PCDHGA1: variants seen among roughly 807,000 people sequenced by gnomAD.
PCDHGA1 encodes the protein protocadherin gamma-A1.
A neutral mutation model predicts 58.0 loss-of-function variants in PCDHGA1; 32 were observed. The observed-to-expected ratio is 0.55, with a 90% CI of 0.42 to 0.74. The LOEUF is 0.74. PCDHGA1 is among the 30% of genes least tolerant of loss of function. The pLI is 0.00. For synonymous variants in PCDHGA1, 498 were observed against 501.1 expected (o/e 0.99, Z 0.08); for missense variants, 1,205 against 1,182.3 (o/e 1.02, Z -0.28).
At position 141,330,637 on chromosome 5, in the gene PCDHGA1, CG is replaced by C; in HGVS notation, c.-47del. ...TAATTTCAGCTCAGAAAAGCAGAAA[CG>C]ATACCCTTGGTACTGGACTGGAAGA... On this transcript the variant is annotated 5_prime_UTR_variant, in exon 1 of 4. Transcript: ENST00000517417. 1 of 1,520,718 alleles carries C rather than the reference CG, an allele frequency of 6.6e-7. No individual in the cohort carries two copies. The highest frequency in any genetic ancestry group is 8.8e-7 in the Non-Finnish European group (1 of 1,134,132). The allele number at this position is 1,520,718 out of a possible 1,614,324, so 94.2% of individuals were successfully genotyped here.
At chr5:141,398,818 C>G in intron 1 of PCDHGA1, 1 of 1,613,958 alleles carries the variant, frequency 6.2e-7, no homozygotes. Flanking sequence ...GCTCCGGATC[C>G]AGGTAACCGA....
intron 1 of PCDHGA1, chr5:141,414,552 C>G: frequency 6.2e-7 from 1 of 1,613,984 alleles, no homozygotes; most frequent in Non-Finnish European, 8.5e-7. Context: ...TCTCTCAAGT[C>G]TCCTACTTTA....
chr5:141,344,860 A>G, intron 1 of PCDHGA1: 2 of 1,613,960 alleles, frequency 1.2e-6, no homozygotes, highest in Non-Finnish European at 1.7e-6. Context: ...TTCAATGCTC[A>G]AGTGTCTTAT....
At chr5:141,419,422 C>T (rs374564347) in intron 1 of PCDHGA1, 9 of 1,613,378 alleles carry the variant, frequency 5.6e-6, no homozygotes, top group Non-Finnish European at 7.6e-6. Flanking sequence ...GCGCCTTCGA[C>T]CACGAGCAGC....
intron 1 of PCDHGA1, among the ~76,000 whole-genome samples, chr5:141,386,804 A>T (rs976518864): frequency 6.6e-6 from 1 of 152,238 alleles, no homozygotes; most frequent in Non-Finnish European, 1.5e-5. Context: ...AATTTATTAG[A>T]TGCATAAAAT....
chr5:141,344,102 G>A (rs373701923), intron 1 of PCDHGA1: 20 of 1,613,832 alleles, frequency 1.2e-5, no homozygotes, highest in East Asian at 6.7e-5. Context: ...TGGGGACGCT[G>A]TGCGAAACAG....
At chr5:141,416,132 A>G (rs939839074) in intron 1 of PCDHGA1, 1 of 153,964 alleles carries the variant, frequency 6.5e-6, no homozygotes, top group Non-Finnish European at 1.4e-5. Flanking sequence ...ATATTTTTCA[A>G]TCTATACTTT....
chr5:141,394,120 C>G, intron 1 of PCDHGA1: 3 of 1,613,954 alleles, frequency 1.9e-6, no homozygotes, highest in Non-Finnish European at 1.7e-6. Context: ...TCCACTGAAA[C>G]TCAAATCGCT....
chr5:141,445,576 G>A (rs1459010134), intron 1 of PCDHGA1, among the ~76,000 whole-genome samples: 1 of 152,158 alleles, frequency 6.6e-6, no homozygotes, highest in Non-Finnish European at 1.5e-5. Flanking sequence ...TTATAGTAGG[G>A]AAGCTTCGCC....
chr5:141,410,234 CG>C, intron 1 of PCDHGA1: 1 of 1,613,984 alleles, frequency 6.2e-7, no homozygotes, highest in Non-Finnish European at 8.5e-7. Context: ...CCTCAGCGAC[CG>C]CCCTGTACTC....
Position 141,490,644 on chromosome 5 carries a change from T to G in PCDHGA1, c.2422-4163T>G, listed in dbSNP as rs772742713. 1 of 1,614,188 alleles carries G rather than the reference T, an allele frequency of 6.2e-7. No individual in the cohort carries two copies. Among genetic ancestry groups the G allele is most frequent in the Non-Finnish European group, 8.5e-7 (1 of 1,180,016 alleles). The stretch of plus-strand genomic sequence containing the variant: ...CTGCTTACATCCTAGAAAACCGGCC[T>G]CCGGGCTCCCTTCTTTGCACTGTGG... On this transcript the variant is annotated intron_variant, in intron 1 of 3. Transcript: ENST00000517417. The surrounding 1 kb of genome is among the most constrained non-coding windows in gnomAD (Gnocchi z 5.4).
intron 1 of PCDHGA1, chr5:141,418,101 G>T: frequency 6.2e-7 from 1 of 1,614,082 alleles, no homozygotes; most frequent in Non-Finnish European, 8.5e-7. Context: ...GACGCGCAGA[G>T]CGGGGACTTA....
At chr5:141,451,179 T>C (rs1039062167) in intron 1 of PCDHGA1, among the ~76,000 whole-genome samples, 6 of 152,162 alleles carry the variant, frequency 3.9e-5, no homozygotes, top group Non-Finnish European at 8.8e-5. Flanking sequence ...TATTTAGCCA[T>C]TGCTGTGTAA....
intron 1 of PCDHGA1, chr5:141,415,029 G>C (rs777967290): frequency 6.2e-7 from 1 of 1,613,552 alleles, no homozygotes; most frequent in South Asian, 1.1e-5. Flanking sequence ...CCAGCGAGCC[G>C]GGACTCTTCG....
intron 1 of PCDHGA1, chr5:141,394,727 C>G (rs971156422): frequency 8.7e-6 from 14 of 1,613,436 alleles, no homozygotes; most frequent in Middle Eastern, 1.6e-4. Flanking sequence ...GAGATGCGCT[C>G]AAGCAGAGCC....
At chr5:141,473,808 C>G (rs1562041705) in intron 1 of PCDHGA1, among the ~76,000 whole-genome samples, 1 of 152,198 alleles carries the variant, frequency 6.6e-6, no homozygotes, top group Non-Finnish European at 1.5e-5. Flanking sequence ...TACTGAGGAG[C>G]AGCTGGACAA....
chr5:141,365,946 AC>A (rs774882856), intron 1 of PCDHGA1: 230 of 1,614,020 alleles, frequency 1.4e-4, no homozygotes, highest in Non-Finnish European at 1.9e-4. Flanking sequence ...GACAGTGGGA[AC>A]CCTCCACTTA....
chr5:141,474,551 C>G (rs1032524620), intron 1 of PCDHGA1, among the ~76,000 whole-genome samples: 35 of 152,312 alleles, frequency 2.3e-4, no homozygotes, highest in Non-Finnish European at 3.5e-4. Flanking sequence ...GCATTTAAAA[C>G]TGGGGGTTTT....
chr5:141,379,662 C>T (rs995589385), intron 1 of PCDHGA1: 1 of 152,126 alleles, frequency 6.6e-6, no homozygotes, highest in Non-Finnish European at 1.5e-5. Flanking sequence ...TCTACTCTCA[C>T]AAAAGTCATT....
Sources: allele counts gnomAD v4.1 joint callset (sites outside exome capture counted in the v4.1 genomes callset), GRCh38; gene constraint gnomAD v4.1.1; non-coding constraint Gnocchi (gnomAD v3.1); transcripts MANE v1.5; gene names NCBI Gene and HGNC (gene_info 2026-07-23, HGNC 2026-07-21).